The following RBFOX1 variants were observed in gnomAD, a reference collection of about 807,000 sequenced individuals.
RBFOX1 encodes the protein RNA binding protein fox-1 homolog 1.
In RBFOX1, 8 loss-of-function variants were observed where a neutral mutation model predicts 57.7. That is an observed-to-expected ratio of 0.14 (90% confidence interval 0.08 to 0.25). RBFOX1 has a LOEUF of 0.25. Among genes scored for constraint, RBFOX1 ranks in the 10% least tolerant of loss-of-function variants. RBFOX1 has a pLI of 1.00. For missense variants in RBFOX1, 611 were observed against 548.5 expected, an observed-to-expected ratio of 1.11 and a Z score of -1.14; for synonymous variants, 326 against 222.4, an observed-to-expected ratio of 1.47 and a Z score of -4.15.
At chr16:5,702,817 G>A (rs2051100445) in intron 3 of RBFOX1, among the ~76,000 whole-genome samples, 1 of 152,146 alleles carries the variant, frequency 6.6e-6, no homozygotes, top group Non-Finnish European at 1.5e-5. Context: ...GTGGAACTAA[G>A]TTTAGTAAAT....
At chr16:5,583,644 A>G (rs900446650) in intron 2 of RBFOX1, among the ~76,000 whole-genome samples, 8 of 152,162 alleles carry the variant, frequency 5.3e-5, no homozygotes, top group African/African-American at 1.9e-4. Context: ...TTTTCTTTTA[A>G]CATTGGGCTG....
intron 3 of RBFOX1, among the ~76,000 whole-genome samples, chr16:5,668,208 G>C (rs1411012027): frequency 2.0e-5 from 3 of 152,112 alleles, no homozygotes; most frequent in African/African-American, 7.2e-5. Context: ...TTGAACCCGG[G>C]AGGCGGAGGT....
chr16:7,524,528 T>C (rs1260715981), intron 5 of RBFOX1, among the ~76,000 whole-genome samples: 1 of 152,198 alleles, frequency 6.6e-6, no homozygotes, highest in Non-Finnish European at 1.5e-5. Context: ...TGGTGAATTC[T>C]CCATGTATCT....
chr16:6,856,326 T>A lies in RBFOX1; in HGVS notation c.-15-195731T>A, dbSNP rs74749283. Among the ~76,000 whole-genome samples the A allele has an allele frequency of 5.7e-3, 862 of 152,280 alleles. 14 individuals carry two copies. Among genetic ancestry groups the A allele is most frequent in the African/African-American group, 0.02 (815 of 41,564 alleles). The stretch of plus-strand genomic sequence containing the variant: ...GAGTTCTATTCCCAATTCATATTGT[T>A]TTGAAGCCACGTCTGAATTCTGAGT... On this transcript the variant is annotated intron_variant, in intron 3 of 15. Coordinates refer to ENST00000550418, the MANE Select transcript of RBFOX1 (RefSeq NM_018723.4).
chr16:6,449,540 T>G (rs2094549213), intron 2 of RBFOX1, among the ~76,000 whole-genome samples: 1 of 152,182 alleles, frequency 6.6e-6, no homozygotes, highest in African/African-American at 2.4e-5. Flanking sequence ...TCCTTTCAGT[T>G]GGCTGAATCG....
intron 4 of RBFOX1, among the ~76,000 whole-genome samples, chr16:7,389,838 C>T (rs1328749709): frequency 6.6e-6 from 1 of 152,066 alleles, no homozygotes; most frequent in Non-Finnish European, 1.5e-5. Context: ...ATCTTTATGG[C>T]ACCCTGCAAA....
intron 2 of RBFOX1, among the ~76,000 whole-genome samples, chr16:6,584,206 G>C (rs769488849): frequency 9.9e-5 from 15 of 151,814 alleles, no homozygotes; most frequent in Non-Finnish European, 1.9e-4. Context: ...ACAAAGGGAA[G>C]TCTTGTAGAT....
At chr16:5,912,281 A>G (rs2058618707) in intron 4 of RBFOX1, among the ~76,000 whole-genome samples, 1 of 152,196 alleles carries the variant, frequency 6.6e-6, no homozygotes. Flanking sequence ...TCAGTTTCTC[A>G]GAATGAAGCT....
intron 4 of RBFOX1, among the ~76,000 whole-genome samples, chr16:7,088,344 C>G (rs1208516725): frequency 6.6e-6 from 1 of 152,148 alleles, no homozygotes; most frequent in Non-Finnish European, 1.5e-5. Flanking sequence ...GTTTCTGTTT[C>G]TCTCTCACAA....
At chr16:7,493,179 C>G (rs1046350850) in intron 4 of RBFOX1, among the ~76,000 whole-genome samples, 3 of 152,192 alleles carry the variant, frequency 2.0e-5, no homozygotes, top group Non-Finnish European at 2.9e-5. Context: ...TGTGCGCAGC[C>G]TTAAGCCCCT....
chr16:5,382,640 C>T (rs2066159398), intron 1 of RBFOX1, among the ~76,000 whole-genome samples: 1 of 152,188 alleles, frequency 6.6e-6, no homozygotes, highest in South Asian at 2.1e-4. Context: ...CTTCATTTGT[C>T]ACTAAAGCTG....
intron 4 of RBFOX1, among the ~76,000 whole-genome samples, chr16:7,307,364 C>T (rs1478208876): frequency 6.6e-6 from 1 of 152,178 alleles, no homozygotes; most frequent in Non-Finnish European, 1.5e-5. Flanking sequence ...CATAAGACAA[C>T]TCATAAAAAC....
intron 2 of RBFOX1, among the ~76,000 whole-genome samples, chr16:6,580,908 CTTTTT>C (rs5815330): frequency 0.049 from 6,990 of 142,418 alleles, 515 homozygotes; most frequent in African/African-American, 0.16. Flanking sequence ...TTTGGGCTTG[CTTTTT>C]TTTTTTTTTT....
At chr16:6,613,073 G>A (rs1344524984) in intron 2 of RBFOX1, among the ~76,000 whole-genome samples, 1 of 151,008 alleles carries the variant, frequency 6.6e-6, no homozygotes, top group East Asian at 1.9e-4. Flanking sequence ...GAATTCACAG[G>A]ATAAATACTG....
chr16:7,253,475 C>A (rs183118300), intron 4 of RBFOX1, among the ~76,000 whole-genome samples: 20 of 152,156 alleles, frequency 1.3e-4, no homozygotes, highest in Non-Finnish European at 2.8e-4. Flanking sequence ...AGGATCAATC[C>A]TCTGCCTATC....
chr16:5,939,649 G>T (rs988682238), intron 4 of RBFOX1, among the ~76,000 whole-genome samples: 5 of 152,070 alleles, frequency 3.3e-5, no homozygotes, highest in African/African-American at 1.2e-4. Flanking sequence ...CTATTTATTA[G>T]AGAGTCACTA....
chr16:6,165,140 T>C (rs9926398), intron 1 of RBFOX1, among the ~76,000 whole-genome samples: 55,412 of 151,960 alleles, frequency 0.36, 10,497 homozygotes, highest in African/African-American at 0.45. Flanking sequence ...GCCTCAGCTT[T>C]GGCAGTTTTT....
chr16:6,099,196 A>G (rs2096277736), intron 1 of RBFOX1, among the ~76,000 whole-genome samples: 1 of 152,182 alleles, frequency 6.6e-6, no homozygotes, highest in Admixed American at 6.5e-5. Context: ...GTTCAGTCAA[A>G]ATGAAAATTG....
At chr16:5,582,392 C>T (rs761693595) in intron 2 of RBFOX1, among the ~76,000 whole-genome samples, 6 of 152,060 alleles carry the variant, frequency 3.9e-5, no homozygotes, top group African/African-American at 4.8e-5. Context: ...CACTGGCCGT[C>T]GTGATTGGCA....
Sources: gnomAD v4.1 joint callset for allele counts (sites outside exome capture counted in the v4.1 genomes callset) on GRCh38, gnomAD v4.1.1 for gene constraint, MANE v1.5 for transcripts, NCBI Gene and HGNC (gene_info 2026-07-23, HGNC 2026-07-21) for gene names.